The following LARGE1 variants were observed in gnomAD, a reference collection of about 807,000 sequenced individuals.
The protein encoded by LARGE1 is xylosyl- and glucuronyltransferase LARGE1.
In LARGE1, 43 loss-of-function variants were observed where a neutral mutation model predicts 87.6. The ratio of observed to expected loss-of-function variants is 0.49; its 90% confidence interval spans 0.38 to 0.63. The LOEUF (loss-of-function observed/expected upper bound fraction) is 0.63. Ranked by LOEUF, LARGE1 falls within the 30% of genes least tolerant of loss-of-function variation. LARGE1 has a pLI of 0.00. For synonymous variants in LARGE1, 434 were observed against 394.6 expected (o/e 1.10, Z -1.18); for missense variants, 802 against 1,000.2 (o/e 0.80, Z 2.67).
intron 6 of LARGE1, among the ~76,000 whole-genome samples, chr22:33,541,201 GA>G (rs11368503): frequency 1.3e-4 from 17 of 133,680 alleles, no homozygotes; most frequent in Middle Eastern, 4.1e-3. Flanking sequence ...GGGAAAAAAA[GA>G]AAAAAAAAAA....
At chr22:33,921,370 A>T (rs1414682084), upstream of LARGE1, among the ~76,000 whole-genome samples, 1 of 152,158 alleles carries the variant, frequency 6.6e-6, no homozygotes, top group Admixed American at 6.5e-5. This position sits in a 1 kb window ranked among gnomAD's most constrained non-coding sequence, Gnocchi z 4.1. Context: ...GCCTCGCGGA[A>T]AAAGGGGGAA....
intron 1 of LARGE1, among the ~76,000 whole-genome samples, chr22:33,826,270 T>C (rs2062780012): frequency 1.3e-5 from 2 of 151,884 alleles, no homozygotes; most frequent in African/African-American, 4.8e-5. Flanking sequence ...CCTTGACCTG[T>C]GGCTGCATGA....
chr22:33,554,862 C>T (rs1184955671), intron 6 of LARGE1, among the ~76,000 whole-genome samples: 1 of 152,218 alleles, frequency 6.6e-6, no homozygotes, highest in Non-Finnish European at 1.5e-5. Context: ...TTTACTTGTT[C>T]ATTTGACAAA....
intron 2 of LARGE1, among the ~76,000 whole-genome samples, chr22:33,756,113 C>A (rs534555050): frequency 5.8e-4 from 88 of 152,174 alleles, no homozygotes; most frequent in Non-Finnish European, 1.0e-3. Context: ...TGAAGACAGA[C>A]AGTATAGGTT....
chr22:33,596,923 G>A (rs1271551155), intron 5 of LARGE1, among the ~76,000 whole-genome samples: 1 of 152,148 alleles, frequency 6.6e-6, no homozygotes, highest in African/African-American at 2.4e-5. Flanking sequence ...CCATTGCTCT[G>A]GGTATTAACA....
At chr22:33,196,222 C>A (rs906401586) in intron 11 of LARGE1, among the ~76,000 whole-genome samples, 1 of 149,858 alleles carries the variant, frequency 6.7e-6, no homozygotes, top group African/African-American at 2.4e-5. Flanking sequence ...AAAATTGTAT[C>A]TTTGAAGAGA....
intron 6 of LARGE1, among the ~76,000 whole-genome samples, chr22:33,455,844 CG>C (rs2068111547): frequency 6.6e-6 from 1 of 150,936 alleles, no homozygotes; most frequent in Admixed American, 6.6e-5. Flanking sequence ...CATTCTTGTG[CG>C]TGAAGAGTGA....
At chr22:33,120,407 T>TTTCTTTCTTTCC in the LARGE1 span, among the ~76,000 whole-genome samples, 3 of 99,232 alleles carry the variant, frequency 3.0e-5, no homozygotes, top group East Asian at 4.8e-4. Context: ...TCTTTCTTTC[T>TTTCTTTCTTTCC]TTCCTTCTTT....
At chr22:33,256,031 T>G (rs984499577) in intron 11 of LARGE1, among the ~76,000 whole-genome samples, 1 of 152,210 alleles carries the variant, frequency 6.6e-6, no homozygotes, top group Non-Finnish European at 1.5e-5. Flanking sequence ...AACCAGTCAG[T>G]TGTCCCTTAT....
At chr22:33,633,430 T>G (rs1340070876) in intron 3 of LARGE1, among the ~76,000 whole-genome samples, 2 of 152,176 alleles carry the variant, frequency 1.3e-5, no homozygotes, top group Non-Finnish European at 2.9e-5. Context: ...CATAAAGTTC[T>G]CCATGCTCTG....
At chr22:33,101,225 T>C in the LARGE1 span, among the ~76,000 whole-genome samples, 6 of 152,160 alleles carry the variant, frequency 3.9e-5, no homozygotes, top group African/African-American at 1.2e-4. Flanking sequence ...ATCCTCACCG[T>C]TCCTTACTAG....
the LARGE1 span, among the ~76,000 whole-genome samples, chr22:33,139,884 A>G: frequency 6.6e-6 from 1 of 152,330 alleles, no homozygotes; most frequent in South Asian, 2.1e-4. Flanking sequence ...CCCACTTGCA[A>G]ATAATCTCTG....
intron 1 of LARGE1, among the ~76,000 whole-genome samples, chr22:33,802,950 G>A (rs1369515376): frequency 2.0e-5 from 3 of 152,134 alleles, no homozygotes; most frequent in Non-Finnish European, 4.4e-5. Flanking sequence ...TGGCAAGGCT[G>A]GACAGATAGA....
In LARGE1 at chr22:33,406,040, C is replaced by T. The variant is rs544971840; in HGVS notation, c.893-21736G>A. ...ATCCAATCAGTAGTATAGATTCAATCCAAAGAACTTGGAAACCAGAAATAA... is the reference window on the plus strand; with the variant it reads ...ATCCAATCAGTAGTATAGATTCAATTCAAAGAACTTGGAAACCAGAAATAA... On this transcript the variant is annotated intron_variant, in intron 7 of 14. Transcript: ENST00000397394. 1.6e-4 allele frequency among the ~76,000 whole-genome samples: 24 copies of T among 152,304 alleles called. 1 individual carries two copies. The highest frequency in any genetic ancestry group is 3.4e-3 in the Middle Eastern group (1 of 294).
At chr22:33,526,108 A>G (rs1274950233) in intron 6 of LARGE1, among the ~76,000 whole-genome samples, 1 of 152,240 alleles carries the variant, frequency 6.6e-6, no homozygotes, top group Non-Finnish European at 1.5e-5. Context: ...GCCATAAAAA[A>G]TGTGCTACAG....
intron 6 of LARGE1, among the ~76,000 whole-genome samples, chr22:33,543,535 A>C (rs1011974858): frequency 1.3e-5 from 2 of 152,250 alleles, no homozygotes; most frequent in African/African-American, 4.8e-5. Context: ...CAATTTAAGA[A>C]GGGAAACAAT....
intron 6 of LARGE1, among the ~76,000 whole-genome samples, chr22:33,437,276 T>C (rs147506058): frequency 2.6e-5 from 4 of 152,300 alleles, no homozygotes; most frequent in Admixed American, 6.5e-5. Flanking sequence ...GTAGAATTCA[T>C]TGGTAGTCTC....
chr22:33,155,237 C>T, the LARGE1 span, among the ~76,000 whole-genome samples: 1 of 152,122 alleles, frequency 6.6e-6, no homozygotes, highest in Non-Finnish European at 1.5e-5. Context: ...GTAGAGGTAC[C>T]TGTTACATTT....
intron 3 of LARGE1, among the ~76,000 whole-genome samples, chr22:33,641,294 A>G (rs1368446074): frequency 6.6e-6 from 1 of 152,222 alleles, no homozygotes; most frequent in African/African-American, 2.4e-5. Context: ...GCAGACCTGC[A>G]GAAGAGGGGC....
Sources: gnomAD v4.1 joint callset for allele counts (sites outside exome capture counted in the v4.1 genomes callset) on GRCh38, gnomAD v4.1.1 for gene constraint, Gnocchi (gnomAD v3.1) non-coding constraint, MANE v1.5 for transcripts, NCBI Gene and HGNC (gene_info 2026-07-23, HGNC 2026-07-21) for gene names.